Variants in ZYG11B observed in about 807,000 individuals in gnomAD.
ZYG11B encodes protein zyg-11 homolog B.
Under a neutral mutation model 82.4 loss-of-function variants are expected in ZYG11B, and 36 were observed. The ratio of observed to expected loss-of-function variants is 0.44; its 90% CI spans 0.33 to 0.58. ZYG11B has a LOEUF of 0.58. Ranked by LOEUF, ZYG11B falls within the 20% of genes least tolerant of loss-of-function variation. ZYG11B has a pLI of 0.02. For synonymous variants in ZYG11B, 303 were observed against 312.8 expected (o/e 0.97, Z 0.33); for missense variants, 552 against 895.6 (o/e 0.62, Z 4.90).
intron 2 of ZYG11B, among the ~76,000 whole-genome samples, chr1:52,762,047 A>G (rs529977571): frequency 2.0e-5 from 3 of 152,140 alleles, no homozygotes; most frequent in South Asian, 2.1e-4. Context: ...TGAGTTTCTT[A>G]TATATTCTGG....
At chr1:52,802,912 C>T (rs1645089406) in intron 10 of ZYG11B, among the ~76,000 whole-genome samples, 1 of 150,830 alleles carries the variant, frequency 6.6e-6, no homozygotes, top group Admixed American at 6.6e-5. Context: ...CCTAGTTACT[C>T]CGGAGGCTGA....
chr1:52,738,170 A>C (rs1644393105), intron 1 of ZYG11B, among the ~76,000 whole-genome samples: 1 of 152,180 alleles, frequency 6.6e-6, no homozygotes, highest in South Asian at 2.1e-4. Flanking sequence ...CTAAATCTAG[A>C]GGGGTGGTTA....
intron 1 of ZYG11B, among the ~76,000 whole-genome samples, chr1:52,728,310 G>A (rs115974826): frequency 6.6e-6 from 1 of 152,336 alleles, no homozygotes; most frequent in African/African-American, 2.4e-5. Context: ...AGGCTGGAAT[G>A]CAGTGGCACA....
intron 4 of ZYG11B, among the ~76,000 whole-genome samples, chr1:52,783,643 G>T (rs1320223188): frequency 2.7e-5 from 4 of 146,152 alleles, no homozygotes; most frequent in African/African-American, 1.0e-4. Flanking sequence ...TTCCTTAGAG[G>T]CAGGGTCTCA....
Position 52,822,282 on chromosome 1 carries a change from C to T in ZYG11B, c.*653C>T, listed in dbSNP as rs1455716683. 3 of 152,208 alleles carry T rather than the reference C, an allele frequency of 2.0e-5. No homozygotes were observed. The highest frequency in any genetic ancestry group is 4.4e-5 in the Non-Finnish European group (3 of 68,042). The allele number at this position is 152,208 out of a possible 1,614,324, so 9.4% of individuals were successfully genotyped here. A position where few individuals can be genotyped will look rare whatever the true frequency, so the allele number is the denominator to read the frequency against. ...CAGGCTACCCTTCGGGAGTCCACCT[C>T]TCTTGAGGCGGTGAGCAGAAGCTTG... On this transcript the variant is annotated 3_prime_UTR_variant, in exon 14 of 14. Coordinates refer to ENST00000294353, the MANE Select transcript of ZYG11B (RefSeq NM_024646.3).
At chr1:52,732,742 C>G (rs908128688) in intron 1 of ZYG11B, among the ~76,000 whole-genome samples, 3 of 147,850 alleles carry the variant, frequency 2.0e-5, no homozygotes, top group Non-Finnish European at 4.5e-5. Context: ...TCCAGCCTGG[C>G]GACAGAGCAA....
rs1486593772 is a variant in ZYG11B, at chr1:52,812,199, G to T, written c.1696-1337G>T. Reference sequence around the variant, plus strand: ...TTTCTTTGGATTGATTTTTCTCCTGGTTATGAATCATATTTTTCTGCCCCT... The same window carrying T: ...TTTCTTTGGATTGATTTTTCTCCTGTTTATGAATCATATTTTTCTGCCCCT... On this transcript the variant is annotated intron_variant, in intron 10 of 13. Transcript: ENST00000294353. Among the ~76,000 whole-genome samples, 4 of 151,684 alleles carry T rather than the reference G, an allele frequency of 2.6e-5. No individual in the cohort carries two copies. In the East Asian group the frequency reaches 7.7e-4, roughly 29 times the overall value.
rs369540357 is a variant in ZYG11B, at chr1:52,817,045, G to A, written c.2044+416G>A. Among the ~76,000 whole-genome samples, 19 of 151,798 alleles carry A rather than the reference G, an allele frequency of 1.3e-4. No homozygotes were observed. The East Asian group carries it at 1.6e-3, about 12-fold the overall frequency. ...TCAAACTCCTGACCTCAGGTGATCCGCCCGCCTAAGCCTCCCAAAGTGCTG... is the reference window on the plus strand; with the variant it reads ...TCAAACTCCTGACCTCAGGTGATCCACCCGCCTAAGCCTCCCAAAGTGCTG... On this transcript the variant is annotated intron_variant, in intron 13 of 13. Transcript: ENST00000294353.
intron 1 of ZYG11B, among the ~76,000 whole-genome samples, chr1:52,736,576 C>G (rs1644380414): frequency 6.6e-6 from 1 of 152,146 alleles, no homozygotes; most frequent in African/African-American, 2.4e-5. Context: ...CCTCAGCCTC[C>G]TGAGTAGCTG....
chr1:52,791,719 A>G (rs765942982), intron 6 of ZYG11B, among the ~76,000 whole-genome samples: 2 of 152,226 alleles, frequency 1.3e-5, no homozygotes, highest in Non-Finnish European at 2.9e-5. Context: ...AACAGAGTAC[A>G]CTTATCTGGC....
At position 52,784,936 on chromosome 1, in the gene ZYG11B, C is replaced by T. The variant is rs776698335; in HGVS notation, c.1152C>T (p.Ser384=). Residue 384 remains serine, a synonymous_variant, in exon 5 of 14, where the codon AGC becomes AGT. Transcript: ENST00000294353. The part of the protein sequence containing the change: ...PMNLPVQLAA[S]ACVFNLTKQD... ...ATTTGCCAGTGCAACTGGCTGCAAG[C>T]GCCTGTGTATTTAACTTAACCAAGC... 6.2e-6 allele frequency: 10 copies of T among 1,613,922 alleles called. No homozygotes were observed. Among genetic ancestry groups the T allele is most frequent in the Admixed American group, 1.7e-5 (1 of 59,966 alleles).
rs1386014383 is a variant in ZYG11B, at chr1:52,797,510, T to A, written c.1485+726T>A. On this transcript the variant is annotated intron_variant, in intron 8 of 13. Transcript: ENST00000294353. ...AATATGTATAATATATAAAAATATA[T>A]ATATATATTTTTTTTTAGACAGAGT... Among the ~76,000 whole-genome samples, 502 of 108,028 alleles carry A rather than the reference T, an allele frequency of 4.6e-3. 1 individual carries two copies. The highest frequency in any genetic ancestry group is 6.8e-3 in the Non-Finnish European group (393 of 57,632). The allele number at this position is 108,028 out of a possible 152,430, so 70.9% of individuals were successfully genotyped here.
chr1:52,819,330 C>T (rs544489384), intron 13 of ZYG11B, among the ~76,000 whole-genome samples: 8 of 152,210 alleles, frequency 5.3e-5, no homozygotes, highest in East Asian at 1.9e-4. Context: ...GCCCTAAAGT[C>T]GTTTTCTTTT....
chr1:52,772,823 G>A (rs1234597448), intron 3 of ZYG11B, among the ~76,000 whole-genome samples: 3 of 151,886 alleles, frequency 2.0e-5, no homozygotes, highest in Non-Finnish European at 4.4e-5. Context: ...GACTACAGGC[G>A]CCCGCCACCA....
chr1:52,737,537 C>T (rs1263088679), intron 1 of ZYG11B, among the ~76,000 whole-genome samples: 3 of 152,008 alleles, frequency 2.0e-5, no homozygotes, highest in African/African-American at 4.8e-5. Flanking sequence ...GAGGCCGAGG[C>T]GGGCGGATCA....
At position 52,771,394 on chromosome 1, in the gene ZYG11B, T is replaced by C. The variant is rs1488399951; in HGVS notation, c.571T>C (p.Leu191=). The change falls in exon 3 of 14, where the codon TTG becomes CTG. Residue 191 remains leucine, a synonymous_variant. Coordinates refer to ENST00000294353, the MANE Select transcript of ZYG11B (RefSeq NM_024646.3). This position sits in a 1 kb window ranked among gnomAD's most constrained non-coding sequence, Gnocchi z 5.4. The part of the protein sequence containing the change: ...EVASLPRLES[L]DISNTSITDI... ...TGCCTCATTGCCAAGATTAGAGAGC[T>C]TGGATATTTCTAACACCTCAATCAC... 1.2e-6 allele frequency: 2 copies of C among 1,614,208 alleles called. No individual in the cohort carries two copies. The highest frequency in any genetic ancestry group is 1.7e-6 in the Non-Finnish European group (2 of 1,180,044).
In ZYG11B at chr1:52,790,431, TTA is replaced by T. The variant is rs760535490; in HGVS notation, c.1334+365_1334+366del. 4.3e-4 allele frequency among the ~76,000 whole-genome samples: 65 copies of T among 152,244 alleles called. 1 individual carries two copies. Among genetic ancestry groups the T allele is most frequent in the Admixed American group, 1.0e-3 (16 of 15,272 alleles). The stretch of plus-strand genomic sequence containing the variant: ...GGCTTTGTGTCTAATAACTGCAAGA[TTA>T]GTAAGATGCAGGTTTGGCCAGGCAC... On this transcript the variant is annotated intron_variant, in intron 6 of 13. Transcript: ENST00000294353.
At position 52,792,942 on chromosome 1, in the gene ZYG11B, G is replaced by T. The variant is rs146664668; in HGVS notation, c.1334+2875G>T. 6.3e-3 allele frequency among the ~76,000 whole-genome samples: 957 copies of T among 152,174 alleles called. 12 individuals carry two copies. Among genetic ancestry groups the T allele is most frequent in the African/African-American group, 0.022 (919 of 41,514 alleles). On this transcript the variant is annotated intron_variant, in intron 6 of 13. Transcript: ENST00000294353. Reference sequence around the variant, plus strand: ...TGCAACCTCTGCTTCCCAGGTTCAAGCAATTCTCCTGCCTCAGTCTCCTGA... The same window carrying T: ...TGCAACCTCTGCTTCCCAGGTTCAATCAATTCTCCTGCCTCAGTCTCCTGA...
At chr1:52,734,469 T>C (rs1644361364) in intron 1 of ZYG11B, among the ~76,000 whole-genome samples, 2 of 150,918 alleles carry the variant, frequency 1.3e-5, no homozygotes, top group African/African-American at 4.9e-5. Flanking sequence ...CTCAATCTGT[T>C]GCCATCTCAA....
Sources: allele counts gnomAD v4.1 joint callset (sites outside exome capture counted in the v4.1 genomes callset), GRCh38; gene constraint gnomAD v4.1.1; non-coding constraint Gnocchi (gnomAD v3.1); transcripts MANE v1.5; gene names NCBI Gene and HGNC (gene_info 2026-07-23, HGNC 2026-07-21).